RPS14: variants seen among roughly 807,000 people sequenced by gnomAD.
RPS14 encodes ribosomal protein S14.
RPS14 carries 1 observed loss-of-function variant against 15.4 expected under a neutral mutation model. That is an observed-to-expected ratio of 0.07 (90% CI 0.02 to 0.31). The LOEUF is 0.31. Ranked by LOEUF, RPS14 falls within the 10% of genes least tolerant of loss-of-function variation. The pLI is 1.00. For missense variants in RPS14, 69 were observed against 205.5 expected, an observed-to-expected ratio of 0.34 and a Z score of 4.06; for synonymous variants, 68 against 74.4, an observed-to-expected ratio of 0.91 and a Z score of 0.44.
intron 1 of RPS14, 81 bp from the exon 2 acceptor site, chr5:150,447,816 C>T: frequency 1.4e-6 from 2 of 1,430,296 alleles, no homozygotes. Flanking sequence ...AAATGAAACC[C>T]TAGTCCTGCT....
At chr5:150,445,373 G>A (rs1431143316) in intron 4 of RPS14, 2 of 668,086 alleles carry the variant, frequency 3.0e-6, no homozygotes, top group Admixed American at 2.4e-5. Context: ...AGTTTTACCT[G>A]CACCAGGCAG....
At chr5:150,444,999 C>T (rs1046471806) in intron 4 of RPS14, among the ~76,000 whole-genome samples, 11 of 152,200 alleles carry the variant, frequency 7.2e-5, no homozygotes, top group East Asian at 3.8e-4. Flanking sequence ...TTCCAGCCCA[C>T]GCAACAGAGC....
intron 4 of RPS14, 36 bp from the exon 5 acceptor site, chr5:150,444,389 C>T: frequency 6.3e-7 from 1 of 1,590,556 alleles, no homozygotes; most frequent in Non-Finnish European, 8.6e-7. Flanking sequence ...TTGCCTGGAG[C>T]TGGATGGGAA....
At chr5:150,448,019 T>C in intron 1 of RPS14, 1 of 334,442 alleles carries the variant, frequency 3.0e-6, no homozygotes. Flanking sequence ...CCTAGGGATC[T>C]AGCAGCAGAT....
rs1371479337 is a variant in RPS14 at position 150,446,981 on chromosome 5, G to C, written c.150-18C>G. On this transcript the variant is annotated intron_variant, in intron 2 of 4. Coordinates refer to ENST00000407193, the MANE Select transcript of RPS14 (RefSeq NM_005617.4). The surrounding 1 kb of genome is among the most constrained non-coding windows in gnomAD (Gnocchi z 4.2). ...TGGTTTCCCTGGGGACAAAAGCACA[G>C]GGTCATTTCTTCCTCGTCCAACAAG... 1.9e-6 allele frequency: 3 copies of C among 1,613,516 alleles called. No individual in the cohort carries two copies. The highest frequency in any genetic ancestry group is 2.5e-6 in the Non-Finnish European group (3 of 1,179,792).
At position 150,443,776 on chromosome 5, in the gene RPS14, T is replaced by C. The variant is rs1771008561; in HGVS notation, c.*510A>G. 6.6e-6 allele frequency: 1 copy of C among 152,192 alleles called. No homozygotes were observed. The highest frequency in any genetic ancestry group is 2.1e-4 in the South Asian group (1 of 4,828). 9.4% of individuals were successfully genotyped at this position (152,192 alleles called of 1,614,324 possible). A position where few individuals can be genotyped will look rare whatever the true frequency, so the allele number is the denominator to read the frequency against. ...TGATGAAAATAGGACTTGGTGTGTA[T>C]TTGTGGGGTGACAATCTTTATGTAC... On this transcript the variant is annotated 3_prime_UTR_variant, in exon 5 of 5. Coordinates refer to ENST00000407193, the MANE Select transcript of RPS14 (RefSeq NM_005617.4).
At chr5:150,445,402 A>C (rs1333874642) in intron 4 of RPS14, 1 of 701,650 alleles carries the variant, frequency 1.4e-6, no homozygotes, top group African/African-American at 1.8e-5. Context: ...AGAGATTCAC[A>C]AATGAAACAG....
chr5:150,447,416 T>A (rs1445433445), intron 2 of RPS14, 169 bp downstream of exon 2: 2 of 701,858 alleles, frequency 2.8e-6, no homozygotes, highest in Admixed American at 2.4e-5. Flanking sequence ...TCTCCTCTCT[T>A]GTAACCCCTG....
rs1770999961 is a variant in RPS14, at chr5:150,443,504, C to T, written c.*782G>A. On this transcript the variant is annotated 3_prime_UTR_variant, in exon 5 of 5. Coordinates refer to ENST00000407193, the MANE Select transcript of RPS14 (RefSeq NM_005617.4). ...GCAGCATCCCAACAGATTTTCCCCTCTTGCTGGTTTCTTTCCTCTACAACT... is the reference window on the plus strand; with the variant it reads ...GCAGCATCCCAACAGATTTTCCCCTTTTGCTGGTTTCTTTCCTCTACAACT... 1.3e-5 allele frequency: 2 copies of T among 152,290 alleles called. No individual in the cohort carries two copies. 9.4% of individuals were successfully genotyped at this position (152,290 alleles called of 1,614,324 possible).
chr5:150,446,348 A>G lies in RPS14; in HGVS notation c.311+454T>C, dbSNP rs563528444. 6.6e-6 allele frequency among the ~76,000 whole-genome samples: 1 copy of G among 152,194 alleles called. No homozygotes were observed. The highest frequency in any genetic ancestry group is 6.5e-5 in the Admixed American group (1 of 15,280). ...CCCCCACCTCAAGACCTTTCCCTGC[A>G]GTTGTCTCTAGCTGGAATACCCTCC... On this transcript the variant is annotated intron_variant, in intron 3 of 4. Transcript: ENST00000407193. This position sits in a 1 kb window ranked among gnomAD's most constrained non-coding sequence, Gnocchi z 4.2.
Position 150,446,954 on chromosome 5 carries a change from G to A in RPS14, c.159C>T (p.Ile53=), listed in dbSNP as rs1337035749. ...HVTDLSGKET[I]CRVTGGMKVK... ...CCTTCATCCCACCAGTCACACGGCA[G>A]ATGGTTTCCCTGGGGACAAAAGCAC... Residue 53 remains isoleucine (I), a synonymous_variant, in exon 3 of 5, where the codon ATC becomes ATT. Transcript: ENST00000407193. This position sits in a 1 kb window ranked among gnomAD's most constrained non-coding sequence, Gnocchi z 4.2. 1 of 1,614,140 alleles carries A rather than the reference G, an allele frequency of 6.2e-7. No individual in the cohort carries two copies. Among genetic ancestry groups the A allele is most frequent in the East Asian group, 2.2e-5 (1 of 44,882 alleles).
chr5:150,447,024 T>G, intron 2 of RPS14, 61 bp from the exon 3 acceptor site: 2 of 1,579,400 alleles, frequency 1.3e-6, no homozygotes, highest in South Asian at 1.2e-5. Flanking sequence ...TACGATATCC[T>G]AATGAGTGAA....
Position 150,443,682 on chromosome 5 carries a change from T to G in RPS14, c.*604A>C, listed in dbSNP as rs1366249848. 4 of 152,186 alleles carry G rather than the reference T, an allele frequency of 2.6e-5. No homozygotes were observed. 9.4% of individuals were successfully genotyped at this position (152,186 alleles called of 1,614,324 possible). A position where few individuals can be genotyped will look rare whatever the true frequency, so the allele number is the denominator to read the frequency against. Reference sequence around the variant, plus strand: ...ATCCCTTGCAAAACGCTGAGTACCATCTGGTGTCACTGGGTACTCAGAGCC... The same window carrying G: ...ATCCCTTGCAAAACGCTGAGTACCAGCTGGTGTCACTGGGTACTCAGAGCC... On this transcript the variant is annotated 3_prime_UTR_variant, in exon 5 of 5. Coordinates refer to ENST00000407193, the MANE Select transcript of RPS14 (RefSeq NM_005617.4).
chr5:150,448,912 A>G (rs1561569193), intron 1 of RPS14: 1 of 152,268 alleles, frequency 6.6e-6, no homozygotes, highest in East Asian at 1.9e-4. Flanking sequence ...CAGTGCGTTA[A>G]CTATTGTAAG....
At chr5:150,445,251 T>C (rs1771058730) in intron 4 of RPS14, among the ~76,000 whole-genome samples, 1 of 152,158 alleles carries the variant, frequency 6.6e-6, no homozygotes, top group Non-Finnish European at 1.5e-5. Flanking sequence ...AACTGATATT[T>C]AGTAGGCGGA....
At chr5:150,444,703 A>T in intron 4 of RPS14, 1 of 485,706 alleles carries the variant, frequency 2.1e-6, no homozygotes, top group Non-Finnish European at 4.0e-6. Flanking sequence ...TTAAGTAAAA[A>T]GACACTGAAA....
intron 4 of RPS14, chr5:150,445,391 CAG>C (rs1490287742): frequency 4.6e-5 from 32 of 695,594 alleles, no homozygotes; most frequent in South Asian, 3.3e-4. Flanking sequence ...CAGTGTAGGA[CAG>C]AGATTCACAA....
rs2070840 is a variant in RPS14 at position 150,445,596 on chromosome 5, G to C, written c.388+13C>G. On this transcript the variant is annotated intron_variant, in intron 4 of 4. Coordinates refer to ENST00000407193, the MANE Select transcript of RPS14 (RefSeq NM_005617.4). ...AAAATAAACCCAAGCATTAGCTAGA[G>C]GGGGGCACTTACCAATCCGCCCGAT... The C allele has an allele frequency of 0.02, 31,594 of 1,611,766 alleles. 3,058 individuals carry two copies. The East Asian group carries it at 0.3, about 15-fold the overall frequency.
chr5:150,445,544 G>T, intron 4 of RPS14, 65 bp downstream of exon 4: 1 of 1,468,576 alleles, frequency 6.8e-7, no homozygotes, highest in Non-Finnish European at 9.5e-7. Flanking sequence ...ACTGGGCACA[G>T]CACGTGCTTT....
Sources: allele counts gnomAD v4.1 joint callset (sites outside exome capture counted in the v4.1 genomes callset), GRCh38; gene constraint gnomAD v4.1.1; non-coding constraint Gnocchi (gnomAD v3.1); transcripts MANE v1.5; gene names NCBI Gene and HGNC (gene_info 2026-07-23, HGNC 2026-07-21).